The following NBDY variants were observed in gnomAD, a reference collection of about 807,000 sequenced individuals.
NBDY encodes negative regulator of P-body association, also known as P-body dissociating protein.
intron 2 of NBDY, among the ~76,000 whole-genome samples, chrX:56,750,953 C>A (rs1378297014): frequency 9.0e-6 from 1 of 111,223 alleles, no homozygotes; most frequent in Non-Finnish European, 1.9e-5. Context: ...TCACATTGCT[C>A]CCCTACTTAA....
chrX:56,792,244 G>A (rs1240935032), intron 2 of NBDY, among the ~76,000 whole-genome samples: 1 of 111,084 alleles, frequency 9.0e-6, no homozygotes, highest in Non-Finnish European at 1.9e-5. Flanking sequence ...CGTGGTGAAC[G>A]CACCCTTACC....
chrX:56,817,022 G>A (rs987303840), intron 2 of NBDY, among the ~76,000 whole-genome samples: 1 of 111,745 alleles, frequency 8.9e-6, no homozygotes, highest in African/African-American at 3.2e-5. Flanking sequence ...AATAGCGGTA[G>A]ACATCCCTGT....
chrX:56,805,074 T>C (rs755079581), intron 2 of NBDY, among the ~76,000 whole-genome samples: 4 of 112,108 alleles, frequency 3.6e-5, no homozygotes, highest in African/African-American at 9.7e-5. Context: ...CTCACGAACG[T>C]CAGTTTCATG....
rs778516088 is a variant in NBDY at position 56,819,030 on chromosome X, CA to C, written c.*1881del. On this transcript the variant is annotated 3_prime_UTR_variant, in exon 3 of 3. Transcript: ENST00000374922. ...AAAAAACTTCCACCCCTACCTCATG[CA>C]AAATACAAAAATTAACTCAAAATAG... The C allele has an allele frequency of 9.6e-6, 1 of 104,259 alleles. No homozygotes were observed. Among genetic ancestry groups the C allele is most frequent in the South Asian group, 4.2e-4 (1 of 2,392 alleles). 8.6% of individuals were successfully genotyped at this position (104,259 alleles called of 1,213,427 possible).
intron 2 of NBDY, among the ~76,000 whole-genome samples, chrX:56,764,082 A>C (rs969100588): frequency 4.5e-5 from 5 of 112,296 alleles, no homozygotes; most frequent in African/African-American, 1.6e-4. Flanking sequence ...GCCTGTGCTC[A>C]TTCCCAGGAT....
intron 2 of NBDY, among the ~76,000 whole-genome samples, chrX:56,763,337 T>C (rs192262536): frequency 1.7e-3 from 191 of 112,124 alleles, no homozygotes; most frequent in African/African-American, 5.7e-3. Context: ...CCCATCTGTG[T>C]GAAACCCAGG....
intron 2 of NBDY, among the ~76,000 whole-genome samples, chrX:56,756,006 T>C (rs1400663159): frequency 9.5e-6 from 1 of 105,373 alleles, no homozygotes; most frequent in East Asian, 3.0e-4. Flanking sequence ...ATGGATGAAA[T>C]TGGAAATCAT....
chrX:56,794,269 C>T (rs1215884119), intron 2 of NBDY, among the ~76,000 whole-genome samples: 1 of 112,031 alleles, frequency 8.9e-6, no homozygotes, highest in Non-Finnish European at 1.9e-5. Flanking sequence ...CAAGTGTTTC[C>T]GCAGCCTGTT....
chrX:56,802,061 C>T (rs1163635966), intron 2 of NBDY, among the ~76,000 whole-genome samples: 1 of 111,350 alleles, frequency 9.0e-6, no homozygotes, highest in Admixed American at 9.5e-5. Context: ...CATTCACCCA[C>T]ACAGACGCAC....
chrX:56,751,132 CT>C (rs776255997), intron 2 of NBDY, among the ~76,000 whole-genome samples: 227 of 104,007 alleles, frequency 2.2e-3, no homozygotes, highest in Non-Finnish European at 2.1e-3. Flanking sequence ...ACTCACACAA[CT>C]TTTTTTTTTT....
chrX:56,796,781 G>A (rs949895126), intron 2 of NBDY, among the ~76,000 whole-genome samples: 15 of 111,018 alleles, frequency 1.4e-4, no homozygotes, highest in Non-Finnish European at 2.6e-4. Flanking sequence ...TGTGTCTTCT[G>A]TAGCTCCTGC....
chrX:56,795,728 T>C (rs942585279), intron 2 of NBDY, among the ~76,000 whole-genome samples: 1 of 112,289 alleles, frequency 8.9e-6, no homozygotes, highest in Admixed American at 9.4e-5. Context: ...GGAACAGGCT[T>C]CACCCGATTT....
chrX:56,803,826 AAAAGAAAG>A (rs893187445), intron 2 of NBDY, among the ~76,000 whole-genome samples: 3 of 112,109 alleles, frequency 2.7e-5, no homozygotes, highest in Non-Finnish European at 5.6e-5. Flanking sequence ...AAACAAAAAG[AAAAGAAAG>A]AAAGAAAGAA....
In NBDY at chrX:56,782,906, A is replaced by G. The variant is rs761059066; in HGVS notation, c.*167-34414A>G. 1.1e-4 allele frequency among the ~76,000 whole-genome samples: 12 copies of G among 112,403 alleles called. No homozygotes were observed. In the South Asian group the frequency reaches 2.2e-3, roughly 21 times the overall value. On this transcript the variant is annotated intron_variant, in intron 2 of 2. Coordinates refer to ENST00000374922, the MANE Select transcript of NBDY (RefSeq NM_001348129.2). ...AATTAAATCACAAACACACACGCAC[A>G]TGGAGACTCATGCACACACAGACAC...
At chrX:56,733,427 A>C (rs1300542611) in intron 2 of NBDY, among the ~76,000 whole-genome samples, 5 of 111,487 alleles carry the variant, frequency 4.5e-5, no homozygotes, top group Admixed American at 2.9e-4. Context: ...GAATTAATAA[A>C]ATCCTGAAAC....
At chrX:56,757,780 G>C (rs753376595) in intron 2 of NBDY, among the ~76,000 whole-genome samples, 10 of 111,267 alleles carry the variant, frequency 9.0e-5, no homozygotes, top group Middle Eastern at 4.6e-3. Flanking sequence ...GTAGCATGGT[G>C]GGGGGAGCTT....
intron 2 of NBDY, among the ~76,000 whole-genome samples, chrX:56,793,943 C>T (rs1381704662): frequency 8.9e-6 from 1 of 112,062 alleles, no homozygotes; most frequent in East Asian, 2.8e-4. Context: ...CCCCCTGTGG[C>T]CCCCCAAGGG....
intron 2 of NBDY, among the ~76,000 whole-genome samples, chrX:56,765,857 T>C (rs1351377654): frequency 9.0e-6 from 1 of 111,049 alleles, no homozygotes; most frequent in Non-Finnish European, 1.9e-5. Flanking sequence ...CTGCTTCTGA[T>C]TCTGCTTCTG....
At chrX:56,737,518 C>A (rs2069502616) in intron 2 of NBDY, 1 of 948,685 alleles carries the variant, frequency 1.1e-6, no homozygotes, top group Non-Finnish European at 1.5e-6. Flanking sequence ...TATTGTAATA[C>A]CATTTTCGAA....
Sources: allele counts gnomAD v4.1 joint callset (sites outside exome capture counted in the v4.1 genomes callset), GRCh38; gene constraint gnomAD v4.1.1; transcripts MANE v1.5; gene names NCBI Gene and HGNC (gene_info 2026-07-23, HGNC 2026-07-21).